Variants in CHST13 observed in about 807,000 individuals in gnomAD.
CHST13 encodes the protein C4ST-3.
A neutral mutation model predicts 7.0 loss-of-function variants in CHST13; 1 was observed. The observed-to-expected ratio is 0.14, with a 90% confidence interval of 0.05 to 0.68. The LOEUF (loss-of-function observed/expected upper bound fraction) is 0.68, where lower values mean the gene tolerates loss of function less well. CHST13 is among the 30% of genes least tolerant of loss of function. The probability of loss-of-function intolerance (pLI) is 0.82; values close to 1 mark genes in which losing one functional copy is unlikely to be tolerated. For missense variants in CHST13, 572 were observed against 507.9 expected, an observed-to-expected ratio of 1.13 and a Z score of -1.21; for synonymous variants, 257 against 240.9, an observed-to-expected ratio of 1.07 and a Z score of -0.62.
In CHST13 at chr3:126,529,389, G is replaced by T. The variant is rs781528562; in HGVS notation, c.97+4960G>T. The T allele has an allele frequency of 7.8e-6, 10 of 1,289,244 alleles. No homozygotes were observed. The South Asian group carries it at 9.9e-5, about 13-fold the overall frequency. The allele number at this position is 1,289,244 out of a possible 1,614,324, so 79.9% of individuals were successfully genotyped here. A position where few individuals can be genotyped will look rare whatever the true frequency, so the allele number is the denominator to read the frequency against. On this transcript the variant is annotated intron_variant, in intron 1 of 2. Coordinates refer to ENST00000319340, the MANE Select transcript of CHST13 (RefSeq NM_152889.3). ...CCCACTTGCCTACGGATGCCGCAAG[G>T]GGGGACAGGTGTCAGGACAAGGGGG...
At position 126,542,420 on chromosome 3, in the gene CHST13, G is replaced by A. The variant is rs1936984763; in HGVS notation, c.868G>A (p.Gly290Arg). 4 of 1,551,652 alleles carry A rather than the reference G, an allele frequency of 2.6e-6. No individual in the cohort carries two copies. The highest frequency in any genetic ancestry group is 1.4e-5 in the African/African-American group (1 of 71,368). ...GGGCGCATCCGACCTGAGCTTCCCT[G>A]GGCCGCCGCGGCCCCGGGGAGCCGC... ...LAGASDLSFPGPPRPRGAAAS... is the reference protein window; with the variant it reads ...LAGASDLSFPRPPRPRGAAAS... Residue 290 changes from glycine (G) to arginine (R), a missense_variant, in exon 3 of 3, where the codon GGG (glycine) becomes AGG (arginine). By Grantham distance (125) the Gly-to-Arg change is moderately radical. Coordinates refer to ENST00000319340, the MANE Select transcript of CHST13 (RefSeq NM_152889.3).
chr3:126,531,321 C>T (rs1218510164), intron 1 of CHST13, among the ~76,000 whole-genome samples: 1 of 152,262 alleles, frequency 6.6e-6, no homozygotes, highest in African/African-American at 2.4e-5. Flanking sequence ...GCCAAAAGAC[C>T]TGTTCCTCAG....
intron 2 of CHST13, among the ~76,000 whole-genome samples, chr3:126,537,846 G>A (rs1026890309): frequency 1.4e-4 from 22 of 152,228 alleles, no homozygotes; most frequent in African/African-American, 1.4e-4. Flanking sequence ...AGGTGGGGCC[G>A]TTGTCCCTGT....
chr3:126,529,130 ACCCTGCACAGGGCGCGAG>A (rs147129828), intron 1 of CHST13: 41,290 of 431,780 alleles, frequency 0.096, 2,132 homozygotes, highest in African/African-American at 0.15. Context: ...CTGTGCCCTC[ACCCTGCACAGGGCGCGAG>A]CCCTGCTTTG....
chr3:126,539,606 T>C (rs1174514991), intron 2 of CHST13, among the ~76,000 whole-genome samples: 32 of 55,444 alleles, frequency 5.8e-4, no homozygotes, highest in Middle Eastern at 0.015. Context: ...CCCCACACAC[T>C]CCACACCACA....
intron 1 of CHST13, among the ~76,000 whole-genome samples, chr3:126,535,471 A>G (rs530764341): frequency 1.5e-4 from 22 of 151,148 alleles, no homozygotes; most frequent in African/African-American, 4.6e-4. Flanking sequence ...GACAGACAGT[A>G]TCGCTGTCCT....
In CHST13 at chr3:126,538,592, G is replaced by A. The variant is rs182945901; in HGVS notation, c.180+2239G>A. Among the ~76,000 whole-genome samples the A allele has an allele frequency of 1.1e-3, 172 of 152,360 alleles. No individual in the cohort carries two copies. The Middle Eastern group carries it at 0.041, about 36-fold the overall frequency. On this transcript the variant is annotated intron_variant, in intron 2 of 2. Coordinates refer to ENST00000319340, the MANE Select transcript of CHST13 (RefSeq NM_152889.3). Reference sequence around the variant, plus strand: ...GAAGGAGGAAGACTGACAGGTGGCCGGATGGCCAACATTCCCTGCCACAAG... The same window carrying A: ...GAAGGAGGAAGACTGACAGGTGGCCAGATGGCCAACATTCCCTGCCACAAG...
chr3:126,541,701 C>A, intron 2 of CHST13, 32 bp from the exon 3 acceptor site: 2 of 1,412,844 alleles, frequency 1.4e-6, no homozygotes, highest in South Asian at 1.5e-5. Flanking sequence ...TGCCCTGACG[C>A]GTCCCCCTGT....
intron 2 of CHST13, among the ~76,000 whole-genome samples, chr3:126,540,337 C>T (rs901889614): frequency 7.2e-5 from 11 of 152,216 alleles, no homozygotes; most frequent in African/African-American, 2.7e-4. Flanking sequence ...TGATCACCCT[C>T]AAAAGCAGCC....
chr3:126,537,207 G>C (rs1463278112), intron 2 of CHST13, among the ~76,000 whole-genome samples: 1 of 152,208 alleles, frequency 6.6e-6, no homozygotes, highest in East Asian at 1.9e-4. Flanking sequence ...CATTGAAGCT[G>C]AGGTGAAGAG....
At chr3:126,526,985 A>T (rs918605501) in intron 1 of CHST13, 3 of 152,206 alleles carry the variant, frequency 2.0e-5, no homozygotes, top group African/African-American at 7.2e-5. Context: ...AAAACTTAGA[A>T]ATACCCCTGC....
At chr3:126,526,116 C>G (rs1251575964) in intron 1 of CHST13, among the ~76,000 whole-genome samples, 5 of 152,244 alleles carry the variant, frequency 3.3e-5, no homozygotes, top group Non-Finnish European at 7.3e-5. Flanking sequence ...CTCCAGCCAT[C>G]ACAGCTTTGT....
Position 126,542,068 on chromosome 3 carries a change from C to G in CHST13, c.516C>G (p.Phe172Leu). 3 of 1,582,224 alleles carry G rather than the reference C, an allele frequency of 1.9e-6. No individual in the cohort carries two copies. The highest frequency in any genetic ancestry group is 1.4e-5 in the African/African-American group (1 of 72,662). Residue 172 changes from phenylalanine to leucine, a missense_variant, in exon 3 of 3, where the codon TTC (phenylalanine) becomes TTG (leucine). By Grantham distance (22) the Phe-to-Leu change is conservative (BLOSUM62 0). Transcript: ENST00000319340. Reference protein sequence around the residue: ...RRLRAYLAFLFVREPFERLAS... With the variant: ...RRLRAYLAFLLVREPFERLAS... ...TGCGCGCCTACTTGGCCTTCCTGTT[C>G]GTGCGGGAGCCCTTCGAGCGCCTGG...
chr3:126,526,866 T>C (rs1936546598), intron 1 of CHST13: 1 of 152,400 alleles, frequency 6.6e-6, no homozygotes, highest in African/African-American at 2.4e-5. Context: ...CTTGGCTCCC[T>C]CTGTGTTTTT....
At position 126,542,522 on chromosome 3, in the gene CHST13, A is replaced by G. The variant is rs747705774; in HGVS notation, c.970A>G (p.Lys324Glu). The G allele has an allele frequency of 4.3e-5, 66 of 1,545,292 alleles. No individual in the cohort carries two copies. The East Asian group carries it at 1.2e-3, about 28-fold the overall frequency. The change falls in exon 3 of 3, where the codon AAG becomes GAG. Residue 324 changes from lysine to glutamate, a missense_variant. Physicochemically the swap from Lys to Glu is moderately conservative, Grantham distance 56. Coordinates refer to ENST00000319340, the MANE Select transcript of CHST13 (RefSeq NM_152889.3). ...FYQRRLFDLY[K>E]MDFLLFNYSA... ...CCAGCGGCGCCTCTTCGACCTCTAC[A>G]AGATGGACTTCCTGCTTTTCAACTA...
chr3:126,533,474 T>G (rs181407840), intron 1 of CHST13, among the ~76,000 whole-genome samples: 10 of 152,234 alleles, frequency 6.6e-5, no homozygotes, highest in African/African-American at 2.4e-4. Flanking sequence ...CTGCATTTAT[T>G]GATGAGCATG....
chr3:126,534,418 C>T (rs773468434), intron 1 of CHST13, among the ~76,000 whole-genome samples: 6 of 152,146 alleles, frequency 3.9e-5, no homozygotes, highest in Non-Finnish European at 8.8e-5. Context: ...GACAGCATCC[C>T]TGTCCTCATC....
At chr3:126,529,674 T>C (rs908616416) in intron 1 of CHST13, among the ~76,000 whole-genome samples, 8 of 152,122 alleles carry the variant, frequency 5.3e-5, no homozygotes, top group African/African-American at 1.7e-4. Context: ...CTCTTCCTTC[T>C]CTTTCTCCCA....
rs1037715422 is a variant in CHST13 at position 126,524,230 on chromosome 3, C to G, written c.-103C>G. The G allele has an allele frequency of 1.1e-6, 1 of 929,996 alleles. No homozygotes were observed. The highest frequency in any genetic ancestry group is 1.7e-5 in the African/African-American group (1 of 57,672). The allele number at this position is 929,996 out of a possible 1,614,324, so 57.6% of individuals were successfully genotyped here. On this transcript the variant is annotated 5_prime_UTR_variant, in exon 1 of 3. Coordinates refer to ENST00000319340, the MANE Select transcript of CHST13 (RefSeq NM_152889.3). ...CTCCCCTGCCCTGCGCCGCGCCGCG[C>G]GTCTTGGTAGGCGCTGCGCTGCCGG...
Sources: gnomAD v4.1 joint callset for allele counts (sites outside exome capture counted in the v4.1 genomes callset) on GRCh38, gnomAD v4.1.1 for gene constraint, MANE v1.5 for transcripts, NCBI Gene and HGNC (gene_info 2026-07-23, HGNC 2026-07-21) for gene names.